RSPH14: variants seen among roughly 807,000 people sequenced by gnomAD.
RSPH14 encodes radial spoke head 14 homolog.
Under a neutral mutation model 26.7 loss-of-function variants are expected in RSPH14, and 20 were observed. That is an observed-to-expected ratio of 0.75 (90% CI 0.53 to 1.09). The LOEUF (loss-of-function observed/expected upper bound fraction) is 1.09, where lower values mean the gene tolerates loss of function less well. Among genes scored for constraint, RSPH14 ranks in the 50% least tolerant of loss-of-function variants. The pLI, the probability that RSPH14 is intolerant of heterozygous loss-of-function variation, is 0.00. For missense variants in RSPH14, 449 were observed against 457.2 expected (o/e 0.98, Z 0.16); for synonymous variants, 177 against 189.3 (o/e 0.93, Z 0.53).
At chr22:23,095,686 C>A in intron 4 of RSPH14, 2 of 1,595,692 alleles carry the variant, frequency 1.3e-6, no homozygotes, top group Non-Finnish European at 1.7e-6. Flanking sequence ...GGGCCCGCTG[C>A]TGCCAGACCA....
intron 4 of RSPH14, among the ~76,000 whole-genome samples, chr22:23,126,181 G>A (rs916286070): frequency 6.6e-6 from 1 of 152,206 alleles, no homozygotes; most frequent in Non-Finnish European, 1.5e-5. Context: ...AAAAATACAT[G>A]GCTAAAGGGA....
intron 3 of RSPH14, among the ~76,000 whole-genome samples, chr22:23,135,168 C>A (rs71316790): frequency 6.6e-6 from 1 of 151,876 alleles, no homozygotes; most frequent in African/African-American, 2.4e-5. Context: ...TAGACCTTGT[C>A]TCTTAAAAAA....
chr22:23,151,369 G>C, the RSPH14 span, among the ~76,000 whole-genome samples: 171 of 152,294 alleles, frequency 1.1e-3, 3 homozygotes, highest in East Asian at 0.032. Flanking sequence ...ATTCATAGGA[G>C]AAATGGAGTC....
At chr22:23,173,790 G>C in the RSPH14 span, among the ~76,000 whole-genome samples, 119,073 of 151,980 alleles carry the variant, frequency 0.78, 46,955 homozygotes, top group East Asian at 0.99. Flanking sequence ...CACTGCAAAC[G>C]TCCATCTCCT....
At chr22:23,104,273 G>C (rs924623107) in intron 4 of RSPH14, among the ~76,000 whole-genome samples, 8 of 152,212 alleles carry the variant, frequency 5.3e-5, no homozygotes, top group African/African-American at 1.9e-4. Context: ...CCAGTCCCCA[G>C]TGTGGCCCAG....
chr22:23,147,583 C>G (rs962187983), upstream of RSPH14, among the ~76,000 whole-genome samples: 14 of 152,130 alleles, frequency 9.2e-5, no homozygotes, highest in African/African-American at 2.9e-4. Flanking sequence ...TCCTCCCACC[C>G]GGGCCTCTCA....
intron 3 of RSPH14, among the ~76,000 whole-genome samples, chr22:23,135,131 A>C (rs1024689627): frequency 2.6e-5 from 4 of 152,038 alleles, no homozygotes; most frequent in African/African-American, 9.7e-5. Flanking sequence ...GGATCATGCC[A>C]CTAAACTCCA....
chr22:23,144,117 A>C (rs942709713), upstream of RSPH14, among the ~76,000 whole-genome samples: 5 of 151,098 alleles, frequency 3.3e-5, no homozygotes, highest in South Asian at 2.1e-4. Flanking sequence ...AAAAAAAAAA[A>C]AAACAGCTAA....
At chr22:23,152,609 A>G in the RSPH14 span, 4 of 1,312,902 alleles carry the variant, frequency 3.0e-6, no homozygotes, top group East Asian at 6.9e-5. Context: ...AGATAATATC[A>G]ACATAGCAGA....
chr22:23,160,990 A>G, the RSPH14 span: 1 of 1,610,156 alleles, frequency 6.2e-7, no homozygotes, highest in South Asian at 1.1e-5. Flanking sequence ...GGCAATGGAG[A>G]CCTAATCCGT....
chr22:23,142,049 G>T, upstream of RSPH14: 2 of 985,468 alleles, frequency 2.0e-6, no homozygotes, highest in Non-Finnish European at 2.4e-6. Context: ...CAGCGTCCGC[G>T]GCGCCGCGGT....
At chr22:23,130,363 G>T (rs2070321709) in intron 4 of RSPH14, among the ~76,000 whole-genome samples, 2 of 151,590 alleles carry the variant, frequency 1.3e-5, no homozygotes. Flanking sequence ...GCTGAGGCAG[G>T]AGAATGGCAT....
chr22:23,140,227 T>C lies in RSPH14; in HGVS notation c.194A>G (p.Asn65Ser), dbSNP rs1470660952. 6.2e-7 allele frequency: 1 copy of C among 1,613,802 alleles called. No homozygotes were observed. The highest frequency in any genetic ancestry group is 2.2e-5 in the East Asian group (1 of 44,896). Reference protein sequence around the residue: ...HDPECIYKAMNIGCMENLKAL... With the variant: ...HDPECIYKAMSIGCMENLKAL... Reference sequence around the variant, plus strand: ...CTGTGCTGTGTCACGCTCACCTATGTTCATGGCCTTGTAGATACACTCGGG... The same window carrying C: ...CTGTGCTGTGTCACGCTCACCTATGCTCATGGCCTTGTAGATACACTCGGG... The change falls in exon 2 of 7, where the codon AAC becomes AGC. Residue 65 changes from asparagine to serine, a missense_variant. Physicochemically the swap from Asn to Ser is conservative, Grantham distance 46. Coordinates refer to ENST00000216036, the MANE Select transcript of RSPH14 (RefSeq NM_014433.3).
chr22:23,140,572 A>G (rs2070578542), intron 1 of RSPH14, 100 bp from the exon 2 acceptor site: 2 of 1,318,652 alleles, frequency 1.5e-6, no homozygotes, highest in Admixed American at 5.6e-5. Flanking sequence ...GGGTATTTTT[A>G]CTTTCATTTT....
intron 4 of RSPH14, among the ~76,000 whole-genome samples, chr22:23,119,760 A>C (rs1339282324): frequency 6.6e-6 from 1 of 152,128 alleles, no homozygotes; most frequent in Non-Finnish European, 1.5e-5. Context: ...CCCGGAAGTG[A>C]GGTATGTGGT....
At chr22:23,082,494 C>T (rs1378229367) in intron 4 of RSPH14, among the ~76,000 whole-genome samples, 3 of 151,578 alleles carry the variant, frequency 2.0e-5, no homozygotes, top group African/African-American at 4.9e-5. Context: ...GCTGGGATTA[C>T]AGGCATGAGC....
chr22:23,145,689 G>C (rs774382787), upstream of RSPH14: 1 of 1,086,082 alleles, frequency 9.2e-7, no homozygotes, highest in Admixed American at 2.8e-5. Context: ...CTGCGGCCCC[G>C]GGGCGTCCTC....
At chr22:23,161,213 T>A in the RSPH14 span, among the ~76,000 whole-genome samples, 7 of 152,136 alleles carry the variant, frequency 4.6e-5, no homozygotes, top group Non-Finnish European at 7.4e-5. Flanking sequence ...CTCCCTGTTC[T>A]CCTGACACAT....
chr22:23,123,122 C>T, intron 4 of RSPH14: 1 of 1,613,852 alleles, frequency 6.2e-7, no homozygotes, highest in Non-Finnish European at 8.5e-7. Flanking sequence ...TCTTTGACTC[C>T]ATCTGCAACA....
Sources: allele counts gnomAD v4.1 joint callset (sites outside exome capture counted in the v4.1 genomes callset), GRCh38; gene constraint gnomAD v4.1.1; transcripts MANE v1.5; gene names NCBI Gene and HGNC (gene_info 2026-07-23, HGNC 2026-07-21).